PIH1D2: variants seen among roughly 807,000 people sequenced by gnomAD.
The protein encoded by PIH1D2 is PIH1 domain containing 2.
In PIH1D2, 25 loss-of-function variants were observed where a neutral mutation model predicts 31.2. The ratio of observed to expected loss-of-function variants is 0.80; its 90% CI spans 0.58 to 1.12. The LOEUF (loss-of-function observed/expected upper bound fraction) is 1.12, where lower values mean the gene tolerates loss of function less well. PIH1D2 is among the 50% of genes most tolerant of loss of function. The pLI is 0.00. For synonymous variants in PIH1D2, 116 were observed against 119.9 expected (o/e 0.97, Z 0.21); for missense variants, 310 against 356.6 (o/e 0.87, Z 1.05).
chr11:112,059,178 C>T (rs1293428709), downstream of PIH1D2, among the ~76,000 whole-genome samples: 1 of 152,066 alleles, frequency 6.6e-6, no homozygotes, highest in Non-Finnish European at 1.5e-5. Flanking sequence ...CTTTCATCTG[C>T]TCAAACTACT....
chr11:112,071,339 C>CT lies in PIH1D2; in HGVS notation c.302-57dup. 3 of 1,527,088 alleles carry CT rather than the reference C, an allele frequency of 2.0e-6. No individual in the cohort carries two copies. The African/African-American group carries it at 4.1e-5, about 21-fold the overall frequency. The allele number at this position is 1,527,088 out of a possible 1,614,324, so 94.6% of individuals were successfully genotyped here. ...AAGAAAAATTGTTGCACTAATGATACTGTCAGGCAATATATTAAACCATAT... is the reference window on the plus strand; with the variant it reads ...AAGAAAAATTGTTGCACTAATGATACTTGTCAGGCAATATATTAAACCATAT... On this transcript the variant is annotated intron_variant, in intron 3 of 5. Coordinates refer to ENST00000280350, the MANE Select transcript of PIH1D2 (RefSeq NM_138789.4).
downstream of PIH1D2, chr11:112,067,685 A>AAAAAATATATATATATATATAT: frequency 5.6e-5 from 1 of 17,804 alleles, no homozygotes; most frequent in African/African-American, 1.7e-4. Context: ...AAAAAAAAAA[A>AAAAAATATATATATATATATAT]ATATATATAT....
chr11:112,059,790 AACAC>A, downstream of PIH1D2: 1 of 842,150 alleles, frequency 1.2e-6, no homozygotes. Flanking sequence ...GCTGAACAAT[AACAC>A]ACATTGGTTC....
chr11:112,073,353 T>G, intron 1 of PIH1D2, 148 bp from the exon 2 acceptor site: 1 of 513,604 alleles, frequency 1.9e-6, no homozygotes, highest in Non-Finnish European at 3.4e-6. Context: ...CACCACTTTA[T>G]GTTTTCCTTA....
downstream of PIH1D2, among the ~76,000 whole-genome samples, chr11:112,061,960 G>A (rs781843291): frequency 6.6e-5 from 10 of 152,058 alleles, no homozygotes; most frequent in Non-Finnish European, 1.3e-4. Context: ...TAAAAAATAC[G>A]AAATTCTTCA....
chr11:112,068,009 A>C lies in PIH1D2; in HGVS notation c.814-4T>G. 1 of 1,545,890 alleles carries C rather than the reference A, an allele frequency of 6.5e-7. No homozygotes were observed. The highest frequency in any genetic ancestry group is 8.9e-7 in the Non-Finnish European group (1 of 1,128,412). On this transcript the variant is annotated splice_polypyrimidine_tract_variant and splice_region_variant and intron_variant, in intron 5 of 5. Transcript: ENST00000280350. ...ATACTTCAATCAATAAATCATCCTA[A>C]GAATAATAAACCAAGAGATTTATTT...
chr11:112,071,341 G>A (rs1865103926), intron 3 of PIH1D2, 58 bp from the exon 4 acceptor site: 2 of 1,519,560 alleles, frequency 1.3e-6, no homozygotes, highest in African/African-American at 1.4e-5. Flanking sequence ...TAATGATACT[G>A]TCAGGCAATA....
downstream of PIH1D2, chr11:112,064,225 GAA>G: frequency 1.3e-6 from 2 of 1,551,296 alleles, no homozygotes; most frequent in Non-Finnish European, 1.7e-6. Context: ...TTGTTCCCTT[GAA>G]AAAAAATAAA....
downstream of PIH1D2, chr11:112,062,369 C>G (rs587604875): frequency 1.9e-6 from 3 of 1,610,486 alleles, no homozygotes; most frequent in Non-Finnish European, 2.5e-6. Context: ...GCAGTATTTT[C>G]TTTCAGAATA....
At chr11:112,061,959 C>T (rs184804367), downstream of PIH1D2, among the ~76,000 whole-genome samples, 49 of 152,084 alleles carry the variant, frequency 3.2e-4, no homozygotes, top group Admixed American at 2.0e-3. Context: ...ATAAAAAATA[C>T]GAAATTCTTC....
chr11:112,072,019 G>A (rs587753419), intron 2 of PIH1D2, among the ~76,000 whole-genome samples: 1 of 152,020 alleles, frequency 6.6e-6, no homozygotes, highest in Non-Finnish European at 1.5e-5. Context: ...CTTGAACCCA[G>A]GAGGCGGAGG....
At chr11:112,054,332 T>TA in the PIH1D2 span, among the ~76,000 whole-genome samples, 2 of 151,106 alleles carry the variant, frequency 1.3e-5, no homozygotes. Context: ...ATAATAATAA[T>TA]AATAAATAAA....
At chr11:112,055,848 C>CTTT in the PIH1D2 span, among the ~76,000 whole-genome samples, 125 of 31,984 alleles carry the variant, frequency 3.9e-3, 54 homozygotes, top group Non-Finnish European at 6.0e-3. Context: ...CATATAGACA[C>CTTT]TTTTTTTTTT....
chr11:112,062,307 T>G, downstream of PIH1D2: 1 of 1,268,014 alleles, frequency 7.9e-7, no homozygotes, highest in Non-Finnish European at 1.1e-6. Flanking sequence ...AAGTATTACC[T>G]GGTTGGGATT....
chr11:112,066,637 CA>C (rs34049901), downstream of PIH1D2, among the ~76,000 whole-genome samples: 20 of 144,422 alleles, frequency 1.4e-4, no homozygotes, highest in Admixed American at 1.4e-4. Context: ...GATTCCGTCT[CA>C]AAAAAAAAAA....
chr11:112,053,601 C>T, the PIH1D2 span, among the ~76,000 whole-genome samples: 8 of 151,976 alleles, frequency 5.3e-5, no homozygotes, highest in Non-Finnish European at 8.8e-5. Flanking sequence ...TACAGGCATG[C>T]GCCACCACTC....
At position 112,071,024 on chromosome 11, in the gene PIH1D2, AATC is replaced by A. The variant is rs782544708; in HGVS notation, c.547+11_547+13del. 65 of 1,605,208 alleles carry A rather than the reference AATC, an allele frequency of 4.0e-5. 2 individuals carry two copies. The Admixed American group carries it at 6.1e-4, about 15-fold the overall frequency. ...TAAAGCAGTTTAATTTTCCATTTAC[AATC>A]ATCAACTTACCCCTTCTCATTTTTT... On this transcript the variant is annotated intron_variant, in intron 4 of 5. Transcript: ENST00000280350.
In PIH1D2 at chr11:112,072,981, G is replaced by A. The variant is rs782755995; in HGVS notation, c.177+17C>T. On this transcript the variant is annotated intron_variant, in intron 2 of 5. Transcript: ENST00000280350. Reference sequence around the variant, plus strand: ...TTCATTCAAGACCTCCCCATCCCTGGCACCAACTCGACATACCAGAATCCT... The same window carrying A: ...TTCATTCAAGACCTCCCCATCCCTGACACCAACTCGACATACCAGAATCCT... The A allele has an allele frequency of 1.3e-6, 2 of 1,576,882 alleles. No homozygotes were observed. The highest frequency in any genetic ancestry group is 1.8e-5 in the Admixed American group (1 of 56,772).
At chr11:112,058,566 G>GGGTCTC (rs1864265749), downstream of PIH1D2, among the ~76,000 whole-genome samples, 1 of 114,258 alleles carries the variant, frequency 8.8e-6, no homozygotes, top group African/African-American at 3.4e-5. Flanking sequence ...GGAGACCACG[G>GGGTCTC]ATAAAATCCA....
Sources: gnomAD v4.1 joint callset for allele counts (sites outside exome capture counted in the v4.1 genomes callset) on GRCh38, gnomAD v4.1.1 for gene constraint, MANE v1.5 for transcripts, NCBI Gene and HGNC (gene_info 2026-07-23, HGNC 2026-07-21) for gene names.